Variants in PTPRJ observed in about 807,000 individuals in gnomAD.
PTPRJ encodes protein tyrosine phosphatase receptor type J, also known as receptor-type tyrosine-protein phosphatase eta.
A neutral mutation model predicts 141.3 loss-of-function variants in PTPRJ; 129 were observed. The ratio of observed to expected loss-of-function variants is 0.91; its 90% CI spans 0.79 to 1.06. The LOEUF (loss-of-function observed/expected upper bound fraction) is 1.06, where lower values mean the gene tolerates loss of function less well. PTPRJ is among the 50% of genes least tolerant of loss of function. PTPRJ has a pLI of 0.00. For missense variants in PTPRJ, 1,601 were observed against 1,679.7 expected, an observed-to-expected ratio of 0.95 and a Z score of 0.82; for synonymous variants, 610 against 640.5, an observed-to-expected ratio of 0.95 and a Z score of 0.72.
intron 4 of PTPRJ, among the ~76,000 whole-genome samples, chr11:48,123,093 A>C (rs1856745486): frequency 6.6e-6 from 1 of 152,230 alleles, no homozygotes; most frequent in Non-Finnish European, 1.5e-5. Flanking sequence ...GATATAGTGG[A>C]GATGGAACGT....
At chr11:48,141,903 T>C (rs953858670) in intron 11 of PTPRJ, among the ~76,000 whole-genome samples, 1 of 151,948 alleles carries the variant, frequency 6.6e-6, no homozygotes, top group East Asian at 1.9e-4. Flanking sequence ...AAGCAACCAT[T>C]GTAAATACTA....
In PTPRJ at chr11:48,049,515, TAAAACAAAAC is replaced by T. The variant is rs71457242; in HGVS notation, c.97-60500_97-60491del. Among the ~76,000 whole-genome samples the T allele has an allele frequency of 6.6e-3, 931 of 140,928 alleles. 9 individuals are homozygous for T. Among genetic ancestry groups the T allele is most frequent in the Admixed American group, 0.02 (282 of 14,052 alleles). 92.5% of individuals were successfully genotyped at this position (140,928 alleles called of 152,430 possible). On this transcript the variant is annotated intron_variant, in intron 1 of 24. Coordinates refer to ENST00000418331, the MANE Select transcript of PTPRJ (RefSeq NM_002843.4). The stretch of plus-strand genomic sequence containing the variant: ...CAATGCGGTGAAACCCCGTCTCTAC[TAAAACAAAAC>T]AAAACAAAACAAAACAAAACAAAAC...
chr11:47,994,377 G>A (rs919628971), intron 1 of PTPRJ, among the ~76,000 whole-genome samples: 3 of 151,946 alleles, frequency 2.0e-5, no homozygotes, highest in Admixed American at 6.6e-5. Flanking sequence ...GAGGTGGGCC[G>A]GGCACCGTGG....
chr11:47,985,793 C>T (rs768594035), intron 1 of PTPRJ, among the ~76,000 whole-genome samples: 2 of 152,066 alleles, frequency 1.3e-5, no homozygotes, highest in African/African-American at 4.8e-5. Flanking sequence ...CTCCATCTCC[C>T]GGGTTCAAGC....
chr11:47,982,735 G>C (rs1271187463), intron 1 of PTPRJ, among the ~76,000 whole-genome samples: 1 of 151,572 alleles, frequency 6.6e-6, no homozygotes, highest in Non-Finnish European at 1.5e-5. Flanking sequence ...GTGGTTGCTA[G>C]CTGTGTTCTC....
intron 3 of PTPRJ, among the ~76,000 whole-genome samples, chr11:48,117,540 CAAAAAAAAAAAAAAAAAAAAAAAA>C (rs71045545): frequency 5.1e-5 from 1 of 19,674 alleles, no homozygotes; most frequent in Non-Finnish European, 7.9e-5. Context: ...GATTCTGTCT[CAAAAAAAAAAAAAAAAAAAAAAAA>C]AAAAAAAAAA....
rs535300921 is a variant in PTPRJ at position 47,981,454 on chromosome 11, A to G, written c.96+446A>G. Reference sequence around the variant, plus strand: ...CTCCGACCCGGCCTGCAGGGGCCCGAGGGGCGGCGGGGGCGACAGGGCAGG... The same window carrying G: ...CTCCGACCCGGCCTGCAGGGGCCCGGGGGGCGGCGGGGGCGACAGGGCAGG... On this transcript the variant is annotated intron_variant, in intron 1 of 24. Coordinates refer to ENST00000418331, the MANE Select transcript of PTPRJ (RefSeq NM_002843.4). Among the ~76,000 whole-genome samples, 283 of 151,466 alleles carry G rather than the reference A, an allele frequency of 1.9e-3. 1 individual carries two copies. The highest frequency in any genetic ancestry group is 6.8e-3 in the African/African-American group (282 of 41,240).
At chr11:48,021,775 G>C (rs1855131812) in intron 1 of PTPRJ, among the ~76,000 whole-genome samples, 1 of 152,002 alleles carries the variant, frequency 6.6e-6, no homozygotes, top group African/African-American at 2.4e-5. Context: ...TGTGGGTTTT[G>C]TTTTGTTTTG....
At chr11:47,996,057 G>A (rs187690296) in intron 1 of PTPRJ, among the ~76,000 whole-genome samples, 5 of 151,642 alleles carry the variant, frequency 3.3e-5, no homozygotes, top group African/African-American at 1.2e-4. Flanking sequence ...AAAAAGGCTG[G>A]GTGCGGTGGC....
At chr11:48,120,455 C>T (rs886806249) in intron 3 of PTPRJ, among the ~76,000 whole-genome samples, 27 of 152,082 alleles carry the variant, frequency 1.8e-4, no homozygotes, top group Non-Finnish European at 2.2e-4. Flanking sequence ...GATGGAGTCT[C>T]GGTCTTGTCG....
chr11:48,018,569 C>T (rs1045107691), intron 1 of PTPRJ, among the ~76,000 whole-genome samples: 1 of 152,136 alleles, frequency 6.6e-6, no homozygotes, highest in Non-Finnish European at 1.5e-5. Context: ...CTGTAAAAAG[C>T]AGCTAATTAA....
intron 1 of PTPRJ, among the ~76,000 whole-genome samples, chr11:47,994,962 G>A (rs1428883993): frequency 1.3e-5 from 2 of 152,144 alleles, no homozygotes; most frequent in Non-Finnish European, 2.9e-5. Context: ...CAGGGTCAAT[G>A]TATGGCAATC....
intron 1 of PTPRJ, among the ~76,000 whole-genome samples, chr11:48,059,381 C>T (rs542830108): frequency 6.6e-6 from 1 of 152,104 alleles, no homozygotes; most frequent in Non-Finnish European, 1.5e-5. Flanking sequence ...CCTTGGCCTC[C>T]CAAAGTGCTG....
intron 18 of PTPRJ, among the ~76,000 whole-genome samples, chr11:48,152,277 C>T (rs936369456): frequency 1.1e-4 from 16 of 152,120 alleles, no homozygotes; most frequent in African/African-American, 3.9e-4. Context: ...ATCCTTCGCC[C>T]ACTTTTTGAT....
rs986457741 is a variant in PTPRJ, at chr11:48,044,477, A to G, written c.96+63469A>G. ...TCAGCAGGACTCTAAGGGATCTCCA[A>G]AGCTGGTTGGCTGGCTAGCGAGGTT... On this transcript the variant is annotated intron_variant, in intron 1 of 24. Coordinates refer to ENST00000418331, the MANE Select transcript of PTPRJ (RefSeq NM_002843.4). Among the ~76,000 whole-genome samples the G allele has an allele frequency of 2.6e-5, 4 of 152,304 alleles. No homozygotes were observed. The East Asian group carries it at 7.7e-4, about 29-fold the overall frequency.
chr11:48,030,237 G>A (rs970573052), intron 1 of PTPRJ, among the ~76,000 whole-genome samples: 19 of 152,214 alleles, frequency 1.2e-4, no homozygotes. Flanking sequence ...CTTTAGCTGT[G>A]TATAACAACA....
intron 1 of PTPRJ, among the ~76,000 whole-genome samples, chr11:48,007,226 G>A (rs186269113): frequency 2.2e-4 from 33 of 151,532 alleles, no homozygotes; most frequent in African/African-American, 6.3e-4. Flanking sequence ...TCAGCCTCCC[G>A]AGTAGCTGGG....
In PTPRJ at chr11:48,159,952, C is replaced by A. The variant is rs765318766; in HGVS notation, c.3461C>A (p.Pro1154His). The A allele has an allele frequency of 1.2e-6, 2 of 1,613,732 alleles. No individual in the cohort carries two copies. Among genetic ancestry groups the A allele is most frequent in the Non-Finnish European group, 1.7e-6 (2 of 1,179,838 alleles). ...TAGACCAAATGTGAGGAGTATTGGC[C>A]CTCCAAGCAGGCTCAGGACTATGGA... ...QGRTKCEEYW[P>H]SKQAQDYGDI... Residue 1154 changes from proline to histidine, a missense_variant, in exon 22 of 25, where the codon CCC (proline) becomes CAC (histidine). Pro to His is a moderately conservative substitution (Grantham distance 77). Coordinates refer to ENST00000418331, the MANE Select transcript of PTPRJ (RefSeq NM_002843.4).
intron 11 of PTPRJ, among the ~76,000 whole-genome samples, chr11:48,141,173 T>C (rs1313805405): frequency 6.6e-6 from 1 of 152,168 alleles, no homozygotes; most frequent in East Asian, 1.9e-4. Flanking sequence ...TCCCATCTCA[T>C]TTATTTTTTA....
Sources: allele counts gnomAD v4.1 joint callset (sites outside exome capture counted in the v4.1 genomes callset), GRCh38; gene constraint gnomAD v4.1.1; transcripts MANE v1.5; gene names NCBI Gene and HGNC (gene_info 2026-07-23, HGNC 2026-07-21).